FABP12: variants seen among roughly 807,000 people sequenced by gnomAD.
FABP12 encodes the protein fatty acid-binding protein 12.
FABP12 carries 19 observed loss-of-function variants against 13.7 expected under a neutral mutation model. The observed-to-expected ratio is 1.39, with a 90% CI of 0.97 to 2.04. The LOEUF is 2.04. Ranked by LOEUF, FABP12 falls within the 30% of genes most tolerant of loss-of-function variation. FABP12 has a pLI of 0.00. For synonymous variants in FABP12, 61 were observed against 57.0 expected, an observed-to-expected ratio of 1.07 and a Z score of -0.32; for missense variants, 182 against 164.2, an observed-to-expected ratio of 1.11 and a Z score of -0.59.
chr8:81,587,455 C>T (rs2130115454), intron 1 of FABP12, among the ~76,000 whole-genome samples: 2 of 152,210 alleles, frequency 1.3e-5, no homozygotes, highest in South Asian at 4.1e-4. Context: ...TTTGTGTCAT[C>T]TCTGATTTCT....
intron 1 of FABP12, among the ~76,000 whole-genome samples, chr8:81,566,526 T>C (rs962306188): frequency 6.6e-6 from 1 of 152,078 alleles, no homozygotes. Context: ...TGCAAATCAA[T>C]CAGTGTGGTA....
intron 1 of FABP12, among the ~76,000 whole-genome samples, chr8:81,572,116 TCCC>T (rs1003957092): frequency 6.8e-6 from 1 of 146,118 alleles, no homozygotes; most frequent in South Asian, 2.3e-4. Context: ...CTCCCACTCT[TCCC>T]CCCCAAGTCC....
intron 1 of FABP12, among the ~76,000 whole-genome samples, chr8:81,569,162 C>A (rs547550352): frequency 1.0e-3 from 154 of 152,270 alleles, no homozygotes; most frequent in African/African-American, 3.7e-3. Context: ...TGGATACCCC[C>A]TTAACCCTGA....
At chr8:81,577,707 G>A (rs773286828) in intron 1 of FABP12, among the ~76,000 whole-genome samples, 8 of 152,152 alleles carry the variant, frequency 5.3e-5, no homozygotes, top group Non-Finnish European at 1.2e-4. Flanking sequence ...GTTGCAGTGA[G>A]CCGAGATTCC....
At chr8:81,548,315 G>A (rs1329016392) in intron 1 of FABP12, among the ~76,000 whole-genome samples, 1 of 151,956 alleles carries the variant, frequency 6.6e-6, no homozygotes, top group Non-Finnish European at 1.5e-5. Context: ...TATGTTTTGA[G>A]GTCACTACCC....
intron 1 of FABP12, among the ~76,000 whole-genome samples, chr8:81,587,736 TAGTC>T (rs1450510441): frequency 6.6e-6 from 1 of 152,050 alleles, no homozygotes; most frequent in Non-Finnish European, 1.5e-5. Flanking sequence ...GAGCCTGTAT[TAGTC>T]AGGGTTCTCT....
chr8:81,588,629 T>A (rs1810278827), intron 1 of FABP12, among the ~76,000 whole-genome samples: 1 of 152,242 alleles, frequency 6.6e-6, no homozygotes, highest in Non-Finnish European at 1.5e-5. Context: ...ATAGTTTGGA[T>A]GCCCCTTTAT....
At chr8:81,584,477 A>G (rs1810212534) in intron 1 of FABP12, among the ~76,000 whole-genome samples, 1 of 152,208 alleles carries the variant, frequency 6.6e-6, no homozygotes, top group Non-Finnish European at 1.5e-5. Context: ...TACAACAGGC[A>G]AATCCCACAG....
intron 1 of FABP12, among the ~76,000 whole-genome samples, chr8:81,547,562 A>G (rs1329188535): frequency 1.3e-5 from 2 of 152,248 alleles, no homozygotes; most frequent in East Asian, 3.8e-4. Flanking sequence ...ATATCCTGTG[A>G]TTAATATTTA....
intron 1 of FABP12, among the ~76,000 whole-genome samples, chr8:81,561,100 G>A (rs558962342): frequency 6.6e-6 from 1 of 152,264 alleles, no homozygotes; most frequent in African/African-American, 2.4e-5. Flanking sequence ...GGATTTGGTG[G>A]AAAACTGGCA....
intron 2 of FABP12, among the ~76,000 whole-genome samples, chr8:81,539,280 A>G (rs2129981164): frequency 6.6e-6 from 1 of 152,008 alleles, no homozygotes; most frequent in East Asian, 1.9e-4. Context: ...ATATTCACCA[A>G]GGATAAAGGT....
At chr8:81,574,770 G>T (rs949041838) in intron 1 of FABP12, among the ~76,000 whole-genome samples, 3 of 152,016 alleles carry the variant, frequency 2.0e-5, no homozygotes, top group Non-Finnish European at 4.4e-5. Flanking sequence ...ATGATGTTTT[G>T]TATTAGAGTC....
At chr8:81,546,316 T>C (rs986911756) in intron 1 of FABP12, among the ~76,000 whole-genome samples, 3 of 152,180 alleles carry the variant, frequency 2.0e-5, no homozygotes, top group Non-Finnish European at 2.9e-5. Flanking sequence ...CACCAGAGTT[T>C]AGTTTCTGCC....
At chr8:81,531,700 G>GTC (rs1809080218) in intron 1 of FABP12, among the ~76,000 whole-genome samples, 2 of 152,056 alleles carry the variant, frequency 1.3e-5, no homozygotes, top group Admixed American at 6.6e-5. Context: ...TTGTGCCCAG[G>GTC]TCTCTCTCTC....
intron 1 of FABP12, among the ~76,000 whole-genome samples, chr8:81,553,065 A>ATTAAATG (rs1327849431): frequency 2.0e-5 from 3 of 152,182 alleles, no homozygotes; most frequent in African/African-American, 7.2e-5. Context: ...TAATGTGACC[A>ATTAAATG]TGGTGGAGAT....
intron 1 of FABP12, among the ~76,000 whole-genome samples, chr8:81,568,012 A>C (rs1168495214): frequency 6.6e-6 from 1 of 152,030 alleles, no homozygotes; most frequent in East Asian, 1.9e-4. Flanking sequence ...AGTCCCAGCT[A>C]CTCGGGAGGC....
intron 1 of FABP12, among the ~76,000 whole-genome samples, chr8:81,565,482 T>A (rs1371274569): frequency 6.6e-6 from 1 of 152,044 alleles, no homozygotes; most frequent in East Asian, 1.9e-4. Context: ...AATTATATCG[T>A]GTATCTTCTC....
chr8:81,576,346 A>T (rs1177062022), intron 1 of FABP12, among the ~76,000 whole-genome samples: 2 of 152,166 alleles, frequency 1.3e-5, no homozygotes, highest in African/African-American at 4.8e-5. Context: ...TTTAATATAT[A>T]ATATTTTCAC....
At chr8:81,573,545 T>C (rs1053192802) in intron 1 of FABP12, among the ~76,000 whole-genome samples, 2 of 152,334 alleles carry the variant, frequency 1.3e-5, no homozygotes, top group South Asian at 2.1e-4. Flanking sequence ...TTTGGCAGTA[T>C]GGTCATTTTC....
Sources: allele counts gnomAD v4.1 joint callset (sites outside exome capture counted in the v4.1 genomes callset), GRCh38; gene constraint gnomAD v4.1.1; transcripts MANE v1.5; gene names NCBI Gene and HGNC (gene_info 2026-07-23, HGNC 2026-07-21).